The following IPO9 variants were observed in gnomAD, a reference collection of about 807,000 sequenced individuals.
IPO9 encodes the protein importin 9, also known as importin-9.
Under a neutral mutation model 128.6 loss-of-function variants are expected in IPO9, and 28 were observed. The observed-to-expected ratio is 0.22, with a 90% CI of 0.16 to 0.30. The LOEUF (loss-of-function observed/expected upper bound fraction) is 0.30, where lower values mean the gene tolerates loss of function less well. IPO9 is among the 10% of genes least tolerant of loss of function. The pLI, the probability that IPO9 is intolerant of heterozygous loss-of-function variation, is 1.00. For missense variants in IPO9, 935 were observed against 1,293.9 expected (o/e 0.72, Z 4.26); for synonymous variants, 455 against 475.8 (o/e 0.96, Z 0.57).
chr1:201,870,956 G>A lies in IPO9; in HGVS notation c.2409+98G>A, dbSNP rs1222185839. The A allele has an allele frequency of 8.5e-6, 12 of 1,419,232 alleles. No homozygotes were observed. Among genetic ancestry groups the A allele is most frequent in the African/African-American group, 1.4e-5 (1 of 70,200 alleles). The allele number at this position is 1,419,232 out of a possible 1,614,324, so 87.9% of individuals were successfully genotyped here. On this transcript the variant is annotated intron_variant, in intron 18 of 23. Transcript: ENST00000361565. The surrounding 1 kb of genome is among the most constrained non-coding windows in gnomAD (Gnocchi z 4.9). ...GTTATTTTATTTTACCCTCTTACTA[G>A]CCTTGTAGGACAGTTAAGTAAAATG...
At position 201,857,076 on chromosome 1, in the gene IPO9, A is replaced by C; in HGVS notation, c.1123-20A>C. 7.0e-7 allele frequency: 1 copy of C among 1,425,262 alleles called. No individual in the cohort carries two copies. Among genetic ancestry groups the C allele is most frequent in the Non-Finnish European group, 9.9e-7 (1 of 1,007,752 alleles). The allele number at this position is 1,425,262 out of a possible 1,614,324, so 88.3% of individuals were successfully genotyped here. A position where few individuals can be genotyped will look rare whatever the true frequency, so the allele number is the denominator to read the frequency against. On this transcript the variant is annotated intron_variant, in intron 10 of 23. Coordinates refer to ENST00000361565, the MANE Select transcript of IPO9 (RefSeq NM_018085.5). ...GAATCAGATTGGCAGCATCACAAAG[A>C]CATAACTTGATCTTTTCAGATTAAA...
In IPO9 at chr1:201,876,244, C is replaced by A; in HGVS notation, c.*190C>A. ...GTGCCGTCACTTAGGAATGCTGGAACAAAGGACATTTCTCAAAGTTCCCCT... is the reference window on the plus strand; with the variant it reads ...GTGCCGTCACTTAGGAATGCTGGAAAAAAGGACATTTCTCAAAGTTCCCCT... On this transcript the variant is annotated 3_prime_UTR_variant, in exon 24 of 24. Coordinates refer to ENST00000361565, the MANE Select transcript of IPO9 (RefSeq NM_018085.5). 1 of 703,448 alleles carries A rather than the reference C, an allele frequency of 1.4e-6. No individual in the cohort carries two copies. Among genetic ancestry groups the A allele is most frequent in the Non-Finnish European group, 2.7e-6 (1 of 375,380 alleles). 43.6% of individuals were successfully genotyped at this position (703,448 alleles called of 1,614,324 possible).
chr1:201,858,040 C>T (rs147287224), intron 11 of IPO9, among the ~76,000 whole-genome samples: 1,550 of 152,320 alleles, frequency 0.01, 14 homozygotes, highest in Non-Finnish European at 0.016. Context: ...TGATGAATCA[C>T]TTCTCATTAT....
intron 4 of IPO9, among the ~76,000 whole-genome samples, chr1:201,849,753 A>G (rs193302165): frequency 5.3e-5 from 8 of 152,274 alleles, no homozygotes; most frequent in Non-Finnish European, 2.9e-5. Flanking sequence ...CTATATTCGT[A>G]TTGATTGCCT....
chr1:201,868,574 A>C (rs1680596039), intron 15 of IPO9, 74 bp from the exon 16 acceptor site: 10 of 1,515,622 alleles, frequency 6.6e-6, no homozygotes, highest in Admixed American at 5.8e-5. Flanking sequence ...AGGGCCAAAC[A>C]ACAGGCATCA....
Position 201,870,130 on chromosome 1 carries a change from C to T in IPO9, c.2133+412C>T, listed in dbSNP as rs2047262. The stretch of plus-strand genomic sequence containing the variant: ...GTGAATTGGTTACCTTTTCAGGTGT[C>T]TGCTACTGTGATTGATTAGAAAGGT... On this transcript the variant is annotated intron_variant, in intron 17 of 23. Coordinates refer to ENST00000361565, the MANE Select transcript of IPO9 (RefSeq NM_018085.5). The surrounding 1 kb of genome is among the most constrained non-coding windows in gnomAD (Gnocchi z 4.9). Among the ~76,000 whole-genome samples, 1 of 152,190 alleles carries T rather than the reference C, an allele frequency of 6.6e-6. No individual in the cohort carries two copies. The highest frequency in any genetic ancestry group is 2.4e-5 in the African/African-American group (1 of 41,416).
chr1:201,851,953 G>A (rs1680225728), intron 4 of IPO9, 151 bp from the exon 5 acceptor site: 2 of 451,622 alleles, frequency 4.4e-6, no homozygotes, highest in African/African-American at 2.0e-5. Flanking sequence ...TGCTACTTTT[G>A]CTTTCACAGA....
At chr1:201,863,358 A>AG (rs1332713985) in intron 13 of IPO9, 90 bp from the exon 14 acceptor site, 1 of 1,399,012 alleles carries the variant, frequency 7.1e-7, no homozygotes, top group Non-Finnish European at 9.6e-7. Context: ...TCTCAAAAAA[A>AG]AAAAATTGAG....
rs1295920021 is a variant in IPO9 at position 201,881,102 on chromosome 1, T to C, written c.*5048T>C. On this transcript the variant is annotated 3_prime_UTR_variant, in exon 24 of 24. Coordinates refer to ENST00000361565, the MANE Select transcript of IPO9 (RefSeq NM_018085.5). The stretch of plus-strand genomic sequence containing the variant: ...TGTGAGAGAAATAAGTGTACTGGGT[T>C]TAGTTCCCACTGCCCAAAAAAGGAA... The C allele has an allele frequency of 6.6e-6, 1 of 152,192 alleles. No homozygotes were observed. 9.4% of individuals were successfully genotyped at this position (152,192 alleles called of 1,614,324 possible). A position where few individuals can be genotyped will look rare whatever the true frequency, so the allele number is the denominator to read the frequency against.
At chr1:201,845,531 T>C (rs956615646) in intron 1 of IPO9, among the ~76,000 whole-genome samples, 5 of 152,220 alleles carry the variant, frequency 3.3e-5, no homozygotes, top group Admixed American at 6.5e-5. Context: ...GTTCATTCTT[T>C]AGCATAGTGC....
At position 201,857,195 on chromosome 1, in the gene IPO9, G is replaced by C; in HGVS notation, c.1221+1G>C. The C allele has an allele frequency of 6.3e-7, 1 of 1,579,618 alleles. No homozygotes were observed. Among genetic ancestry groups the C allele is most frequent in the Non-Finnish European group, 8.7e-7 (1 of 1,148,788 alleles). ...AATAGCAGCTCAAGACTTGTTGCTG[G>C]TAAGTTTACCTTGATACTTCAGCCA... On this transcript the variant is annotated splice_donor_variant, in intron 11 of 23. Transcript: ENST00000361565. LOFTEE classifies it high-confidence loss of function.
rs1012665919 is a variant in IPO9, at chr1:201,869,501, A to G, written c.2005-89A>G. ...ATTAATAAGCTTTCTCTGGGTTGCT[A>G]TGTAATACCCATCCAGTAAGGATCT... On this transcript the variant is annotated intron_variant, in intron 16 of 23. Coordinates refer to ENST00000361565, the MANE Select transcript of IPO9 (RefSeq NM_018085.5). 19 of 1,496,752 alleles carry G rather than the reference A, an allele frequency of 1.3e-5. No homozygotes were observed. In the East Asian group the frequency reaches 2.5e-4, roughly 20 times the overall value. 92.7% of individuals were successfully genotyped at this position (1,496,752 alleles called of 1,614,324 possible).
chr1:201,853,771 G>A (rs571677376), intron 6 of IPO9, among the ~76,000 whole-genome samples: 31 of 152,140 alleles, frequency 2.0e-4, no homozygotes, highest in Non-Finnish European at 3.8e-4. Context: ...ATGGAGTCTC[G>A]CTCTGTCACC....
chr1:201,845,093 C>T (rs1270971131), intron 1 of IPO9, among the ~76,000 whole-genome samples: 4 of 151,956 alleles, frequency 2.6e-5, no homozygotes, highest in African/African-American at 4.8e-5. Context: ...CTCGGCTCAT[C>T]GCAACCTCTG....
Position 201,855,018 on chromosome 1 carries a change from C to T in IPO9, c.911+95C>T, listed in dbSNP as rs1016003254. On this transcript the variant is annotated intron_variant, in intron 8 of 23. Coordinates refer to ENST00000361565, the MANE Select transcript of IPO9 (RefSeq NM_018085.5). Reference sequence around the variant, plus strand: ...TTCATATGGTTCCACTCTTCTTACACAGGCTTTTTTAAGGTGTCTACTTTT... The same window carrying T: ...TTCATATGGTTCCACTCTTCTTACATAGGCTTTTTTAAGGTGTCTACTTTT... 6 of 1,332,722 alleles carry T rather than the reference C, an allele frequency of 4.5e-6. No homozygotes were observed. In the Admixed American group the frequency reaches 1.2e-4, roughly 27 times the overall value. 82.6% of individuals were successfully genotyped at this position (1,332,722 alleles called of 1,614,324 possible).
intron 1 of IPO9, among the ~76,000 whole-genome samples, chr1:201,837,261 A>G (rs898711521): frequency 3.3e-5 from 5 of 152,216 alleles, no homozygotes; most frequent in Non-Finnish European, 7.3e-5. Flanking sequence ...GCTTCTAGCT[A>G]CTGTGATCAT....
intron 1 of IPO9, among the ~76,000 whole-genome samples, chr1:201,831,765 C>T (rs528714149): frequency 6.6e-6 from 1 of 152,278 alleles, no homozygotes; most frequent in South Asian, 2.1e-4. Flanking sequence ...ACTATCTGGC[C>T]TGATGAAACT....
rs567818825 is a variant in IPO9, at chr1:201,878,373, G to C, written c.*2319G>C. 43 of 152,768 alleles carry C rather than the reference G, an allele frequency of 2.8e-4. No homozygotes were observed. Among genetic ancestry groups the C allele is most frequent in the African/African-American group, 9.9e-4 (41 of 41,588 alleles). The allele number at this position is 152,768 out of a possible 1,614,324, so 9.5% of individuals were successfully genotyped here. A position where few individuals can be genotyped will look rare whatever the true frequency, so the allele number is the denominator to read the frequency against. ...GGTCTCATGCCAGTAGCATTGAACT[G>C]CTGAGCTTGGGAAGGCTTAAGGCTC... is the stretch of plus-strand genomic sequence containing the variant. On this transcript the variant is annotated 3_prime_UTR_variant, in exon 24 of 24. Coordinates refer to ENST00000361565, the MANE Select transcript of IPO9 (RefSeq NM_018085.5).
rs1450108183 is a variant in IPO9, at chr1:201,883,464, TC to T, written c.*7412del. 2 of 152,096 alleles carry T rather than the reference TC, an allele frequency of 1.3e-5. No homozygotes were observed. The highest frequency in any genetic ancestry group is 2.9e-5 in the Non-Finnish European group (2 of 68,032). The allele number at this position is 152,096 out of a possible 1,614,324, so 9.4% of individuals were successfully genotyped here. A position where few individuals can be genotyped will look rare whatever the true frequency, so the allele number is the denominator to read the frequency against. ...CAAAGCACCTGGAGATGATAGAACTTCCTAGGGAAAAGGCTGCATGGAGTCC... is the reference window on the plus strand; with the variant it reads ...CAAAGCACCTGGAGATGATAGAACTTCTAGGGAAAAGGCTGCATGGAGTCC... On this transcript the variant is annotated 3_prime_UTR_variant, in exon 24 of 24. Coordinates refer to ENST00000361565, the MANE Select transcript of IPO9 (RefSeq NM_018085.5).
Sources: allele counts gnomAD v4.1 joint callset (sites outside exome capture counted in the v4.1 genomes callset), GRCh38; gene constraint gnomAD v4.1.1; non-coding constraint Gnocchi (gnomAD v3.1); transcripts MANE v1.5; gene names NCBI Gene and HGNC (gene_info 2026-07-23, HGNC 2026-07-21).